The following TTLL4 variants were observed in gnomAD, a reference collection of about 807,000 sequenced individuals.
TTLL4 encodes tubulin monoglutamylase TTLL4.
In TTLL4, 85 loss-of-function variants were observed where a neutral mutation model predicts 122.7. The ratio of observed to expected loss-of-function variants is 0.69; its 90% confidence interval spans 0.58 to 0.83. The LOEUF (loss-of-function observed/expected upper bound fraction) is 0.83, where lower values mean the gene tolerates loss of function less well. Ranked by LOEUF, TTLL4 falls within the 40% of genes least tolerant of loss-of-function variation. TTLL4 has a pLI of 0.00. For synonymous variants in TTLL4, 553 were observed against 563.0 expected, an observed-to-expected ratio of 0.98 and a Z score of 0.25; for missense variants, 1,363 against 1,488.6, an observed-to-expected ratio of 0.92 and a Z score of 1.39.
rs200726154 is a variant in TTLL4 at position 218,754,242 on chromosome 2, C to T, written c.3453C>T (p.Ser1151=). The T allele has an allele frequency of 3.8e-5, 61 of 1,614,186 alleles. 1 individual carries two copies. The East Asian group carries it at 1.2e-3, about 33-fold the overall frequency. ...CCCCTTATCCCCAGAAACCCAGTTC[C>T]TCAAAGGACAGTGAGGACACCAGCA... ...GLSPYPQKPS[S]SKDSEDTSKE... is the part of the protein sequence containing the mutation. Residue 1151 remains serine (S), a synonymous_variant, in exon 20 of 20, where the codon TCC becomes TCT. Coordinates refer to ENST00000392102, the MANE Select transcript of TTLL4 (RefSeq NM_014640.5).
intron 1 of TTLL4, among the ~76,000 whole-genome samples, chr2:218,717,874 C>T (rs1941911794): frequency 6.6e-6 from 1 of 151,954 alleles, no homozygotes; most frequent in African/African-American, 2.4e-5. Flanking sequence ...TCTCGGCTCA[C>T]TGCAAGCTCC....
Position 218,747,503 on chromosome 2 carries a change from T to C in TTLL4, c.2250-94T>C, listed in dbSNP as rs1942878543. On this transcript the variant is annotated intron_variant, in intron 10 of 19. Coordinates refer to ENST00000392102, the MANE Select transcript of TTLL4 (RefSeq NM_014640.5). This position sits in a 1 kb window ranked among gnomAD's most constrained non-coding sequence, Gnocchi z 4.7. ...TTAGCCAACTGTTCTAAGGTCTTTA[T>C]CTTGGGGACTGTTAGCTGGCTTTTC... 8 of 1,577,296 alleles carry C rather than the reference T, an allele frequency of 5.1e-6. No homozygotes were observed. Among genetic ancestry groups the C allele is most frequent in the Non-Finnish European group, 6.9e-6 (8 of 1,158,910 alleles).
chr2:218,753,810 GCATC>G, intron 19 of TTLL4, 141 bp downstream of exon 19: 1 of 938,596 alleles, frequency 1.1e-6, no homozygotes, highest in East Asian at 2.5e-5. Flanking sequence ...TGCAGCCATA[GCATC>G]CTTTTTCTGG....
chr2:218,745,397 C>T, intron 6 of TTLL4, 164 bp downstream of exon 6: 1 of 880,472 alleles, frequency 1.1e-6, no homozygotes, highest in African/African-American at 1.7e-5. Flanking sequence ...CTGATGCAAC[C>T]TTTTTCTTGT....
chr2:218,720,690 A>G lies in TTLL4; in HGVS notation c.-177-6579A>G, dbSNP rs570937928. Among the ~76,000 whole-genome samples, 82 of 152,002 alleles carry G rather than the reference A, an allele frequency of 5.4e-4. No individual in the cohort carries two copies. The South Asian group carries it at 0.016, about 30-fold the overall frequency. ...CTCCGGTCTCAAAAAAAAAAAAAAA[A>G]AGAAAGAAATACATAATTGGGGTGT... On this transcript the variant is annotated intron_variant, in intron 1 of 19. Transcript: ENST00000392102.
In TTLL4 at chr2:218,753,591, T is replaced by A. The variant is rs763083248; in HGVS notation, c.3266T>A (p.Leu1089His). Residue 1089 changes from leucine to histidine, a missense_variant, in exon 19 of 20, where the codon CTC becomes CAC. Coordinates refer to ENST00000392102, the MANE Select transcript of TTLL4 (RefSeq NM_014640.5). ...TGCTTCCTTTGCTCTTAGTGGTCTC[T>A]CCCGACATCACTTCTGACTATCTCA... ...VVSDSAPVWS[L>H]PTSLLTISKD... 6.2e-7 allele frequency: 1 copy of A among 1,614,172 alleles called. No homozygotes were observed. The highest frequency in any genetic ancestry group is 8.5e-7 in the Non-Finnish European group (1 of 1,180,026).
chr2:218,756,753 A>G (rs1186414617), downstream of TTLL4, among the ~76,000 whole-genome samples: 1 of 152,184 alleles, frequency 6.6e-6, no homozygotes, highest in Non-Finnish European at 1.5e-5. Context: ...TACCTAGTCT[A>G]TTTGGAGGAA....
intron 4 of TTLL4, 34 bp from the exon 5 acceptor site, chr2:218,740,487 C>A (rs1472547768): frequency 1.2e-6 from 2 of 1,611,264 alleles, no homozygotes; most frequent in Non-Finnish European, 8.5e-7. Context: ...GCAGCCTCTT[C>A]TAGTCAGAAT....
intron 1 of TTLL4, among the ~76,000 whole-genome samples, chr2:218,713,199 G>A (rs1296437662): frequency 6.6e-6 from 1 of 152,010 alleles, no homozygotes. Context: ...GGGCAACATG[G>A]CGAAACCTCT....
chr2:218,720,562 T>C (rs1942003254), intron 1 of TTLL4, among the ~76,000 whole-genome samples: 1 of 151,386 alleles, frequency 6.6e-6, no homozygotes, highest in East Asian at 1.9e-4. Context: ...TAATCCCGGC[T>C]ATTCGGGAGG....
intron 1 of TTLL4, among the ~76,000 whole-genome samples, chr2:218,722,803 A>C (rs1942083690): frequency 6.6e-6 from 1 of 152,250 alleles, no homozygotes; most frequent in African/African-American, 2.4e-5. Flanking sequence ...AGGTAATGAC[A>C]GTGGAAATGG....
At chr2:218,725,185 A>T (rs573884824) in intron 1 of TTLL4, among the ~76,000 whole-genome samples, 1 of 152,178 alleles carries the variant, frequency 6.6e-6, no homozygotes, top group East Asian at 1.9e-4. Context: ...AGCATGAGCC[A>T]CTGCGCCCAC....
chr2:218,712,348 T>A (rs919744697), intron 1 of TTLL4, among the ~76,000 whole-genome samples: 1 of 152,018 alleles, frequency 6.6e-6, no homozygotes, highest in Admixed American at 6.6e-5. Context: ...ACGTCTAGCT[T>A]AACATGAATA....
At chr2:218,736,981 C>T (rs1277732385) in intron 2 of TTLL4, among the ~76,000 whole-genome samples, 1 of 152,060 alleles carries the variant, frequency 6.6e-6, no homozygotes, top group East Asian at 1.9e-4. Context: ...TCCCCAGTAG[C>T]TGGGACTTCA....
intron 8 of TTLL4, 60 bp downstream of exon 8, chr2:218,746,291 G>A (rs1942840787): frequency 2.6e-6 from 4 of 1,563,936 alleles, no homozygotes; most frequent in African/African-American, 1.4e-5. Context: ...AGAGGAGGGG[G>A]ATGATGTGAG....
intron 1 of TTLL4, among the ~76,000 whole-genome samples, chr2:218,726,250 G>T (rs983567297): frequency 6.6e-6 from 1 of 152,040 alleles, no homozygotes; most frequent in African/African-American, 2.4e-5. Flanking sequence ...GATAATTTCC[G>T]AGGAGAATTT....
chr2:218,752,012 A>G (rs2106462806), intron 16 of TTLL4, among the ~76,000 whole-genome samples: 1 of 145,488 alleles, frequency 6.9e-6, no homozygotes, highest in African/African-American at 2.6e-5. Context: ...GGTTCAAGTG[A>G]TTCTCCTGCC....
Position 218,738,518 on chromosome 2 carries a change from C to G in TTLL4, c.842C>G (p.Ala281Gly), listed in dbSNP as rs777840075. 2 of 1,614,044 alleles carry G rather than the reference C, an allele frequency of 1.2e-6. No homozygotes were observed. Among genetic ancestry groups the G allele is most frequent in the African/African-American group, 2.7e-5 (2 of 74,914 alleles). ...PKSIGTVPAD[A>G]SAHIALSTAS... ...AGCATTGGCACTGTCCCAGCTGATG[C>G]CAGTGCCCATATCGCCTTGTCTACC... The change falls in exon 3 of 20, where the codon GCC (alanine) becomes GGC (glycine). Residue 281 changes from alanine to glycine, a missense_variant. Around this residue, in one of 3 missense-constraint regions of TTLL4, gnomAD observed 760 missense variants for 808.4 expected, o/e 0.94. Coordinates refer to ENST00000392102, the MANE Select transcript of TTLL4 (RefSeq NM_014640.5).
chr2:218,723,772 A>T (rs1263880274), intron 1 of TTLL4, among the ~76,000 whole-genome samples: 2 of 152,204 alleles, frequency 1.3e-5, no homozygotes, highest in Non-Finnish European at 2.9e-5. Context: ...TATTCTTCAG[A>T]AGTGTCAAGC....
Sources: allele counts gnomAD v4.1 joint callset (sites outside exome capture counted in the v4.1 genomes callset), GRCh38; gene constraint gnomAD v4.1.1; regional missense constraint gnomAD v4.1.1; non-coding constraint Gnocchi (gnomAD v3.1); transcripts MANE v1.5; gene names NCBI Gene and HGNC (gene_info 2026-07-23, HGNC 2026-07-21).